Variants in C1orf87 observed in about 807,000 individuals in gnomAD.
The protein encoded by C1orf87 is uncharacterized protein C1orf87.
In C1orf87, 58 loss-of-function variants were observed where a neutral mutation model predicts 60.5. That is an observed-to-expected ratio of 0.96 (90% CI 0.78 to 1.19). C1orf87 has a LOEUF of 1.19. Ranked by LOEUF, C1orf87 falls within the 50% of genes most tolerant of loss-of-function variation. C1orf87 has a pLI of 0.00. For synonymous variants in C1orf87, 236 were observed against 227.4 expected (o/e 1.04, Z -0.34); for missense variants, 673 against 638.6 (o/e 1.05, Z -0.58).
chr1:60,061,171 A>G (rs909107683), intron 2 of C1orf87, among the ~76,000 whole-genome samples: 1 of 152,206 alleles, frequency 6.6e-6, no homozygotes, highest in Non-Finnish European at 1.5e-5. Context: ...ATCAGGTTGA[A>G]CTAAATCAGG....
intron 6 of C1orf87, among the ~76,000 whole-genome samples, chr1:60,036,868 C>A (rs1455398231): frequency 6.6e-6 from 1 of 152,096 alleles, no homozygotes; most frequent in Non-Finnish European, 1.5e-5. Context: ...AATCTCAAAC[C>A]TTTTTTTGCT....
At chr1:60,064,039 C>G (rs1557481309) in intron 2 of C1orf87, among the ~76,000 whole-genome samples, 1 of 151,766 alleles carries the variant, frequency 6.6e-6, no homozygotes, top group Non-Finnish European at 1.5e-5. Flanking sequence ...GAATATAGAG[C>G]AGGCAGAAAA....
intron 8 of C1orf87, among the ~76,000 whole-genome samples, chr1:60,025,188 C>T (rs1645190309): frequency 6.6e-6 from 1 of 152,194 alleles, no homozygotes; most frequent in Admixed American, 6.5e-5. Context: ...TGTATCTTCA[C>T]ATGGCAGAGA....
At chr1:60,016,477 A>AC (rs1195898192) in intron 8 of C1orf87, among the ~76,000 whole-genome samples, 2 of 152,156 alleles carry the variant, frequency 1.3e-5, no homozygotes, top group African/African-American at 2.4e-5. Context: ...TATTCTTTCC[A>AC]CCTTTCAGTT....
In C1orf87 at chr1:60,072,628, T is replaced by G; in HGVS notation, c.16A>C (p.Lys6Gln). 4 of 1,611,598 alleles carry G rather than the reference T, an allele frequency of 2.5e-6. No homozygotes were observed. The highest frequency in any genetic ancestry group is 3.4e-6 in the Non-Finnish European group (4 of 1,179,488). MSSAW[K>Q]TPRGSDAMPE... ...ATTGCATCTGATCCACGGGGAGTCT[T>G]CCAGGCTGAAGACATGATTCCTTTC... is the stretch of plus-strand genomic sequence containing the variant. The change falls in exon 2 of 12, where the codon AAG (lysine) becomes CAG (glutamine). Residue 6 changes from lysine (K) to glutamine (Q), a missense_variant. Coordinates refer to ENST00000371201, the MANE Select transcript of C1orf87 (RefSeq NM_152377.3).
intron 9 of C1orf87, among the ~76,000 whole-genome samples, chr1:60,004,603 T>G (rs1645029617): frequency 6.6e-6 from 1 of 152,052 alleles, no homozygotes; most frequent in South Asian, 2.1e-4. Flanking sequence ...CCTTTCTCCT[T>G]CCTAATACCT....
chr1:60,047,752 C>A (rs1346115111), intron 3 of C1orf87, among the ~76,000 whole-genome samples: 1 of 141,824 alleles, frequency 7.1e-6, no homozygotes. Context: ...AAAGAGAAAA[C>A]CATCAGGATA....
At chr1:60,006,232 G>T (rs1302202154) in intron 9 of C1orf87, among the ~76,000 whole-genome samples, 1 of 151,978 alleles carries the variant, frequency 6.6e-6, no homozygotes, top group Admixed American at 6.6e-5. Context: ...AGGAGGTAAG[G>T]CATATCAGAG....
rs555744672 is a variant in C1orf87, at chr1:60,009,529, T to C, written c.1192+863A>G. 1.1e-4 allele frequency among the ~76,000 whole-genome samples: 16 copies of C among 152,146 alleles called. No homozygotes were observed. In the South Asian group the frequency reaches 2.3e-3, roughly 22 times the overall value. On this transcript the variant is annotated intron_variant, in intron 9 of 11. Coordinates refer to ENST00000371201, the MANE Select transcript of C1orf87 (RefSeq NM_152377.3). ...TATCCCTCAGCTTTGGATACTTACATAACCAATCCCCTGTAGTAAATTCCC... is the reference window on the plus strand; with the variant it reads ...TATCCCTCAGCTTTGGATACTTACACAACCAATCCCCTGTAGTAAATTCCC...
chr1:60,061,839 TACTTGGG>T, intron 2 of C1orf87, among the ~76,000 whole-genome samples: 1 of 143,452 alleles, frequency 7.0e-6, no homozygotes, highest in Non-Finnish European at 1.5e-5. Flanking sequence ...TAGTTCCAGC[TACTTGGG>T]AAGCTGAGGC....
intron 7 of C1orf87, among the ~76,000 whole-genome samples, chr1:60,032,625 G>C (rs146753843): frequency 6.6e-6 from 1 of 151,730 alleles, no homozygotes; most frequent in Non-Finnish European, 1.5e-5. Context: ...ATTTTTAGTA[G>C]AGATGGGGTT....
intron 6 of C1orf87, among the ~76,000 whole-genome samples, chr1:60,034,256 A>G (rs677129): frequency 0.89 from 135,316 of 152,272 alleles, 60,418 homozygotes; most frequent in African/African-American, 0.92. Flanking sequence ...TCTGTCTAAC[A>G]GACTATCGTT....
rs1184398371 is a variant in C1orf87 at position 60,025,462 on chromosome 1, T to A, written c.1066A>T (p.Thr356Ser). The A allele has an allele frequency of 1.9e-6, 3 of 1,613,110 alleles. No homozygotes were observed. In the East Asian group the frequency reaches 6.7e-5, roughly 36 times the overall value. ...AICGKHGLYL[T>S]LSLLETLLNH... ...AGCAATGTTTCCAGCAGGCTCAGGGTCAGATATAATCCATGCTTCCCACAT... is the reference window on the plus strand; with the variant it reads ...AGCAATGTTTCCAGCAGGCTCAGGGACAGATATAATCCATGCTTCCCACAT... The change falls in exon 8 of 12, where the codon ACC (threonine) becomes TCC (serine). Residue 356 changes from threonine (T) to serine (S), a missense_variant. Thr to Ser is a moderately conservative substitution (Grantham distance 58). Transcript: ENST00000371201.
chr1:60,010,252 C>A, intron 9 of C1orf87, 140 bp downstream of exon 9: 1 of 755,990 alleles, frequency 1.3e-6, no homozygotes, highest in African/African-American at 1.8e-5. Context: ...CCCCATTTTT[C>A]CTTCACTGGG....
At chr1:60,027,621 AT>A (rs1374364290) in intron 7 of C1orf87, among the ~76,000 whole-genome samples, 2 of 152,214 alleles carry the variant, frequency 1.3e-5, no homozygotes, top group Non-Finnish European at 2.9e-5. Context: ...CAAAAAGCTC[AT>A]CTTCGTTTTT....
At chr1:60,064,250 GAT>G (rs1491484678) in intron 2 of C1orf87, among the ~76,000 whole-genome samples, 2 of 114,352 alleles carry the variant, frequency 1.7e-5, no homozygotes, top group Admixed American at 2.0e-4. Flanking sequence ...CTTTATATAT[GAT>G]ATATATATTT....
intron 6 of C1orf87, among the ~76,000 whole-genome samples, chr1:60,037,256 C>T (rs1251257371): frequency 6.6e-6 from 1 of 152,134 alleles, no homozygotes; most frequent in East Asian, 1.9e-4. Context: ...AACCCTAATG[C>T]CAACGTGATA....
At chr1:60,015,702 T>C (rs1304285117) in intron 8 of C1orf87, among the ~76,000 whole-genome samples, 1 of 152,166 alleles carries the variant, frequency 6.6e-6, no homozygotes, top group Non-Finnish European at 1.5e-5. Flanking sequence ...AGCCTTCAGA[T>C]TGGATTAGAA....
At chr1:59,997,517 C>T in intron 11 of C1orf87, 92 bp downstream of exon 11, 2 of 1,129,082 alleles carry the variant, frequency 1.8e-6, no homozygotes, top group Non-Finnish European at 2.6e-6. Context: ...TTAATTGTAT[C>T]ATTTGTTCAA....
Sources: gnomAD v4.1 joint callset for allele counts (sites outside exome capture counted in the v4.1 genomes callset) on GRCh38, gnomAD v4.1.1 for gene constraint, MANE v1.5 for transcripts, NCBI Gene and HGNC (gene_info 2026-07-23, HGNC 2026-07-21) for gene names.